MLX: variants seen among roughly 807,000 people sequenced by gnomAD.
MLX encodes MAX dimerization protein MLX.
MLX carries 15 observed loss-of-function variants against 33.0 expected under a neutral mutation model. That is an observed-to-expected ratio of 0.45 (90% CI 0.30 to 0.70). The LOEUF (loss-of-function observed/expected upper bound fraction) is 0.70, where lower values mean the gene tolerates loss of function less well. Ranked by LOEUF, MLX falls within the 30% of genes least tolerant of loss-of-function variation. MLX has a pLI of 0.07. For missense variants in MLX, 285 were observed against 306.3 expected, an observed-to-expected ratio of 0.93 and a Z score of 0.52; for synonymous variants, 115 against 115.6, an observed-to-expected ratio of 0.99 and a Z score of 0.03.
In MLX at chr17:42,572,283, A is replaced by G; in HGVS notation, c.*680A>G. ...CGGTTCCCACAGGCTATGATGCTGCATGGCAGAGGCAGGTATAACACAGCA... is the reference window on the plus strand; with the variant it reads ...CGGTTCCCACAGGCTATGATGCTGCGTGGCAGAGGCAGGTATAACACAGCA... On this transcript the variant is annotated 3_prime_UTR_variant, in exon 8 of 8. Coordinates refer to ENST00000435881, the MANE Select transcript of MLX (RefSeq NM_198204.2). 1 of 434,708 alleles carries G rather than the reference A, an allele frequency of 2.3e-6. No homozygotes were observed. Among genetic ancestry groups the G allele is most frequent in the Non-Finnish European group, 4.6e-6 (1 of 215,938 alleles). The allele number at this position is 434,708 out of a possible 1,614,324, so 26.9% of individuals were successfully genotyped here.
chr17:42,570,142 G>T lies in MLX; in HGVS notation c.637G>T (p.Ala213Ser), dbSNP rs1199525755. Residue 213 changes from alanine (A) to serine (S), a missense_variant, in exon 7 of 8, where the codon GCG (alanine) becomes TCG (serine). Physicochemically the swap from Ala to Ser is moderately conservative, Grantham distance 99 (BLOSUM62 1). Transcript: ENST00000435881. ...AGTGGCCAGCTTCCAGGAGCTGTCAGCGTGTGTCTTCAGCTGGATCGAGGA... is the reference window on the plus strand; with the variant it reads ...AGTGGCCAGCTTCCAGGAGCTGTCATCGTGTGTCTTCAGCTGGATCGAGGA... ...ISVASFQELS[A>S]CVFSWIEEHC... The T allele has an allele frequency of 1.2e-6, 2 of 1,614,136 alleles. No homozygotes were observed. The highest frequency in any genetic ancestry group is 2.2e-5 in the South Asian group (2 of 91,080).
Position 42,573,103 on chromosome 17 carries a change from T to C in MLX, c.*1500T>C. 6.2e-7 allele frequency: 1 copy of C among 1,614,236 alleles called. No individual in the cohort carries two copies. The highest frequency in any genetic ancestry group is 8.5e-7 in the Non-Finnish European group (1 of 1,180,032). On this transcript the variant is annotated 3_prime_UTR_variant, in exon 8 of 8. Coordinates refer to ENST00000435881, the MANE Select transcript of MLX (RefSeq NM_198204.2). ...AAGCAAAGAAGGAAGAGAGCTCCACTTACAAAGAACTGCTTCTTGCTCTTG... is the reference window on the plus strand; with the variant it reads ...AAGCAAAGAAGGAAGAGAGCTCCACCTACAAAGAACTGCTTCTTGCTCTTG...
chr17:42,567,458 A>G lies in MLX; in HGVS notation c.43-161A>G, dbSNP rs1431702823. On this transcript the variant is annotated intron_variant, in intron 1 of 7. Coordinates refer to ENST00000435881, the MANE Select transcript of MLX (RefSeq NM_198204.2). ...AGCCTGTGCCAGTCTCGGGGGACTCATTAAGCTGCCCGCGCACCCCGGGCT... is the reference window on the plus strand; with the variant it reads ...AGCCTGTGCCAGTCTCGGGGGACTCGTTAAGCTGCCCGCGCACCCCGGGCT... 3 of 1,410,272 alleles carry G rather than the reference A, an allele frequency of 2.1e-6. No homozygotes were observed. The East Asian group carries it at 7.4e-5, about 35-fold the overall frequency. The allele number at this position is 1,410,272 out of a possible 1,614,324, so 87.4% of individuals were successfully genotyped here.
Position 42,571,661 on chromosome 17 carries a change from C to A in MLX, c.*58C>A. 2.6e-6 allele frequency: 4 copies of A among 1,527,112 alleles called. No homozygotes were observed. Among genetic ancestry groups the A allele is most frequent in the Non-Finnish European group, 3.6e-6 (4 of 1,100,974 alleles). The allele number at this position is 1,527,112 out of a possible 1,614,324, so 94.6% of individuals were successfully genotyped here. On this transcript the variant is annotated 3_prime_UTR_variant, in exon 8 of 8. Coordinates refer to ENST00000435881, the MANE Select transcript of MLX (RefSeq NM_198204.2). The stretch of plus-strand genomic sequence containing the variant: ...AGAGGCCCTTGAATCTCTACGTGGC[C>A]ACTGAACTGCTGGGCCCGGGAGACT...
In MLX at chr17:42,572,359, C is replaced by T. The variant is rs1296775719; in HGVS notation, c.*756C>T. The stretch of plus-strand genomic sequence containing the variant: ...TCTAAATACCAATGCAGTTTTGCTA[C>T]GGTTACAATTTTGAAATATTAACTG... On this transcript the variant is annotated 3_prime_UTR_variant, in exon 8 of 8. Coordinates refer to ENST00000435881, the MANE Select transcript of MLX (RefSeq NM_198204.2). 8 of 454,398 alleles carry T rather than the reference C, an allele frequency of 1.8e-5. No homozygotes were observed. The highest frequency in any genetic ancestry group is 1.4e-4 in the East Asian group (2 of 14,528). The allele number at this position is 454,398 out of a possible 1,614,324, so 28.1% of individuals were successfully genotyped here.
Position 42,569,978 on chromosome 17 carries a change from T to C in MLX, c.477-4T>C. 6.2e-7 allele frequency: 1 copy of C among 1,613,476 alleles called. No individual in the cohort carries two copies. The highest frequency in any genetic ancestry group is 8.5e-7 in the Non-Finnish European group (1 of 1,179,944). On this transcript the variant is annotated splice_polypyrimidine_tract_variant and splice_region_variant and intron_variant, in intron 6 of 7. Transcript: ENST00000435881. ...CACCTCAGCCCTGGCCTGCATGCTT[T>C]TAGGAACTATGAGCAGATTGTGAAG...
chr17:42,568,332 T>C (rs1046394273), intron 2 of MLX, 138 bp from the exon 3 acceptor site: 17 of 534,734 alleles, frequency 3.2e-5, no homozygotes, highest in Non-Finnish European at 5.6e-5. Flanking sequence ...CACTGCACTC[T>C]AGCCTGGGCG....
chr17:42,568,545 C>T lies in MLX; in HGVS notation c.155C>T (p.Ser52Phe). Residue 52 changes from serine (S) to phenylalanine (F), a missense_variant, in exon 3 of 8, where the codon TCT (serine) becomes TTT (phenylalanine). Ser to Phe is a radical substitution (Grantham distance 155). Transcript: ENST00000435881. The stretch of plus-strand genomic sequence containing the variant: ...AGCATCGGTTCCACCAGTGCCTCTT[C>T]TGTCCCCAACACAGGTAGGCAGTAA... ...ANSIGSTSAS[S>F]VPNTDDEDSD... 6.2e-7 allele frequency: 1 copy of T among 1,613,608 alleles called. No individual in the cohort carries two copies. Among genetic ancestry groups the T allele is most frequent in the Non-Finnish European group, 8.5e-7 (1 of 1,179,644 alleles).
At chr17:42,567,887 G>A (rs942900267) in intron 2 of MLX, 6 of 593,130 alleles carry the variant, frequency 1.0e-5, no homozygotes, top group Non-Finnish European at 1.8e-5. Context: ...ACTCAGTGGA[G>A]CAGCTGATCA....
rs1374124196 is a variant in MLX, at chr17:42,572,483, G to A, written c.*880G>A. ...AGGACTTGGGGGTGGGGTGAAAAGC[G>A]TACAAAAGATACTTAAAAGGGCTCC... On this transcript the variant is annotated 3_prime_UTR_variant, in exon 8 of 8. Transcript: ENST00000435881. The A allele has an allele frequency of 3.1e-5, 14 of 454,266 alleles. No individual in the cohort carries two copies. Among genetic ancestry groups the A allele is most frequent in the Middle Eastern group, 6.8e-4 (1 of 1,464 alleles). The allele number at this position is 454,266 out of a possible 1,614,324, so 28.1% of individuals were successfully genotyped here.
intron 7 of MLX, 116 bp downstream of exon 7, chr17:42,570,299 TCTACAGCTTTGAGGGCCCTGGTATTTTCC>T (rs1376419839): frequency 1.0e-6 from 1 of 964,472 alleles, no homozygotes. Flanking sequence ...TAAGGGCGTT[TCTACAGCTTTGAGGGCCCTGGTATTTTCC>T]CTTTTCTTTG....
intron 1 of MLX, 145 bp downstream of exon 1, chr17:42,567,311 C>T: frequency 7.2e-7 from 1 of 1,390,286 alleles, no homozygotes; most frequent in African/African-American, 1.5e-5. Flanking sequence ...AGACAGCTCT[C>T]ACCCCGCGTG....
rs749819833 is a variant in MLX at position 42,573,082 on chromosome 17, AAAG to A, written c.*1483_*1485del. 12 of 1,614,086 alleles carry A rather than the reference AAAG, an allele frequency of 7.4e-6. No homozygotes were observed. The highest frequency in any genetic ancestry group is 6.6e-5 in the South Asian group (6 of 91,092). ...CACCAGGATAAGACCACAGGGAAGC[AAAG>A]AAGGAAGAGAGCTCCACTTACAAAG... On this transcript the variant is annotated 3_prime_UTR_variant, in exon 8 of 8. Coordinates refer to ENST00000435881, the MANE Select transcript of MLX (RefSeq NM_198204.2).
At chr17:42,568,711 A>G in intron 3 of MLX, 126 bp from the exon 4 acceptor site, 1 of 1,076,916 alleles carries the variant, frequency 9.3e-7, no homozygotes, top group Non-Finnish European at 1.4e-6. Context: ...CTCATCTGGA[A>G]CATTAGGTGG....
At position 42,570,203 on chromosome 17, in the gene MLX, A is replaced by C; in HGVS notation, c.678+20A>C. 1 of 1,611,914 alleles carries C rather than the reference A, an allele frequency of 6.2e-7. No homozygotes were observed. On this transcript the variant is annotated intron_variant, in intron 7 of 7. Transcript: ENST00000435881. ...CCTCAGGTATGGGGCAACAATAGGC[A>C]CAGGGTCTGCGGTTTTCTCTACCAT...
At position 42,568,461 on chromosome 17, in the gene MLX, C is replaced by G. The variant is rs571030762; in HGVS notation, c.80-9C>G. 2.5e-5 allele frequency: 40 copies of G among 1,612,944 alleles called. No individual in the cohort carries two copies. The South Asian group carries it at 3.7e-4, about 15-fold the overall frequency. On this transcript the variant is annotated splice_polypyrimidine_tract_variant and intron_variant, in intron 2 of 7. Coordinates refer to ENST00000435881, the MANE Select transcript of MLX (RefSeq NM_198204.2). ...CCACCCCTTAGTGATTGGGGCCTCT[C>G]TTTTCCAGGGCTTTTTGTAGAAAGC...
chr17:42,572,328 T>C lies in MLX; in HGVS notation c.*725T>C, dbSNP rs763943242. On this transcript the variant is annotated 3_prime_UTR_variant, in exon 8 of 8. Transcript: ENST00000435881. Reference sequence around the variant, plus strand: ...ACAGCACTACATATTGGAAATTTTTTATTTTTCTAAATACCAATGCAGTTT... The same window carrying C: ...ACAGCACTACATATTGGAAATTTTTCATTTTTCTAAATACCAATGCAGTTT... 6 of 454,172 alleles carry C rather than the reference T, an allele frequency of 1.3e-5. No individual in the cohort carries two copies. The highest frequency in any genetic ancestry group is 1.4e-4 in the East Asian group (2 of 14,528). 28.1% of individuals were successfully genotyped at this position (454,172 alleles called of 1,614,324 possible).
At chr17:42,567,799 A>G in intron 2 of MLX, 144 bp downstream of exon 2, 1 of 1,068,478 alleles carries the variant, frequency 9.4e-7, no homozygotes, top group Admixed American at 2.2e-5. Flanking sequence ...GCTGAAGGAC[A>G]AGGGCAGAAA....
chr17:42,567,429 C>T (rs1348707261), intron 1 of MLX, 190 bp from the exon 2 acceptor site: 18 of 1,381,394 alleles, frequency 1.3e-5, no homozygotes, highest in Non-Finnish European at 1.3e-5. Context: ...CACTCGCACG[C>T]CCTAGCCTGT....
Sources: gnomAD v4.1 joint callset for allele counts on GRCh38, gnomAD v4.1.1 for gene constraint, MANE v1.5 for transcripts, NCBI Gene and HGNC (gene_info 2026-07-23, HGNC 2026-07-21) for gene names.